Variants in LDHAL6A observed in about 807,000 individuals in gnomAD.
The protein encoded by LDHAL6A is lactate dehydrogenase A like 6A, also known as L-lactate dehydrogenase A-like 6A.
LDHAL6A carries 19 observed loss-of-function variants against 28.2 expected under a neutral mutation model. The observed-to-expected ratio is 0.67, with a 90% CI of 0.47 to 0.99. LDHAL6A has a LOEUF of 0.99. Ranked by LOEUF, LDHAL6A falls within the 50% of genes least tolerant of loss-of-function variation. The pLI is 0.00. For missense variants in LDHAL6A, 372 were observed against 398.6 expected, an observed-to-expected ratio of 0.93 and a Z score of 0.57; for synonymous variants, 144 against 134.4, an observed-to-expected ratio of 1.07 and a Z score of -0.49.
At chr11:18,466,736 A>G (rs1849084796) in intron 3 of LDHAL6A, among the ~76,000 whole-genome samples, 2 of 151,584 alleles carry the variant, frequency 1.3e-5, no homozygotes, top group Admixed American at 6.6e-5. Context: ...CTAAAGGCTG[A>G]GGTTTGTTTT....
intron 2 of LDHAL6A, 122 bp downstream of exon 2, chr11:18,464,200 T>C (rs1230847213): frequency 1.2e-5 from 8 of 658,546 alleles, no homozygotes; most frequent in Admixed American, 4.7e-5. Context: ...CTCCCTACTC[T>C]GTACTCTCAT....
At chr11:18,473,608 G>C in intron 3 of LDHAL6A, among the ~76,000 whole-genome samples, 1 of 152,110 alleles carries the variant, frequency 6.6e-6, no homozygotes, top group South Asian at 2.1e-4. Context: ...TGTTGCCCAG[G>C]CTGGTCTCAA....
rs750990170 is a variant in LDHAL6A, at chr11:18,472,270, G to A, written c.419-3196G>A. On this transcript the variant is annotated intron_variant, in intron 3 of 6. Transcript: ENST00000280706. ...TTCACTTGACAGCTTTATGTATGAG[G>A]AAACTTAAAGACATTTCTACCATAC... 2.0e-5 allele frequency among the ~76,000 whole-genome samples: 3 copies of A among 152,242 alleles called. No individual in the cohort carries two copies. The South Asian group carries it at 6.2e-4, about 32-fold the overall frequency.
chr11:18,462,504 G>A (rs1444966637), intron 1 of LDHAL6A, among the ~76,000 whole-genome samples: 2 of 151,982 alleles, frequency 1.3e-5, no homozygotes, highest in East Asian at 1.9e-4. Flanking sequence ...AGGTGTGGTG[G>A]CGGGCGCCTG....
rs1212053975 is a variant in LDHAL6A, at chr11:18,464,992, G to GTTTTTTTTTTT, written c.245-641_245-640insTTTTTTTTTTT. Among the ~76,000 whole-genome samples the GTTTTTTTTTTT allele has an allele frequency of 1.5e-3, 180 of 119,826 alleles. 3 individuals carry two copies. The highest frequency in any genetic ancestry group is 6.1e-3 in the African/African-American group (172 of 28,422). The allele number at this position is 119,826 out of a possible 152,430, so 78.6% of individuals were successfully genotyped here. A position where few individuals can be genotyped will look rare whatever the true frequency, so the allele number is the denominator to read the frequency against. ...TGTTTTTTTTGTTTTTTTTTGTTTT[G>GTTTTTTTTTTT]TTTTGTTTTGGTTTGTTTTTGAGAC... is the stretch of plus-strand genomic sequence containing the variant. On this transcript the variant is annotated intron_variant, in intron 2 of 6. Transcript: ENST00000280706.
intron 6 of LDHAL6A, 133 bp from the exon 7 acceptor site, chr11:18,478,570 GAAA>G: frequency 3.1e-6 from 2 of 650,624 alleles, no homozygotes; most frequent in Admixed American, 3.2e-5. Flanking sequence ...AAAAAAAAAA[GAAA>G]AAAGTTCTCT....
rs1565068644 is a variant in LDHAL6A, at chr11:18,464,968, G to GTTTTTTTTTTTTTTTTTTTTTTTT, written c.245-661_245-660insTTTTTTTTTTTTTTTTTTTTTTTT. Among the ~76,000 whole-genome samples the GTTTTTTTTTTTTTTTTTTTTTTTT allele has an allele frequency of 1.3e-3, 5 of 3,796 alleles. 1 individual carries two copies. Among genetic ancestry groups the GTTTTTTTTTTTTTTTTTTTTTTTT allele is most frequent in the African/African-American group, 1.8e-3 (4 of 2,196 alleles). The allele number at this position is 3,796 out of a possible 152,430, so 2.5% of individuals were successfully genotyped here. On this transcript the variant is annotated intron_variant, in intron 2 of 6. Coordinates refer to ENST00000280706, the MANE Select transcript of LDHAL6A (RefSeq NM_144972.5). ...CAAAAGGTATTTTAGGAGGTGAGGTGTTTTTTTTGTTTTTTTTTGTTTTGT... is the reference window on the plus strand; with the variant it reads ...CAAAAGGTATTTTAGGAGGTGAGGTGTTTTTTTTTTTTTTTTTTTTTTTTTTTTTTTTGTTTTTTTTTGTTTTGT...
intron 5 of LDHAL6A, among the ~76,000 whole-genome samples, chr11:18,477,362 G>C (rs772131011): frequency 4.6e-5 from 7 of 152,086 alleles, no homozygotes; most frequent in Non-Finnish European, 8.8e-5. Context: ...AGGAGGCTGA[G>C]GAGGGAAGAT....
At position 18,464,051 on chromosome 11, in the gene LDHAL6A, A is replaced by G. The variant is rs760232805; in HGVS notation, c.217A>G (p.Lys73Glu). 1.2e-6 allele frequency: 2 copies of G among 1,612,648 alleles called. No homozygotes were observed. Among genetic ancestry groups the G allele is most frequent in the South Asian group, 2.2e-5 (2 of 91,036 alleles). Reference sequence around the variant, plus strand: ...TCTTCAACATGGCAGCCCTTTTATGAAAATGCCAAATATTGTCTCCAGCAA... The same window carrying G: ...TCTTCAACATGGCAGCCCTTTTATGGAAATGCCAAATATTGTCTCCAGCAA... ...MDLQHGSPFMKMPNIVSSKDY... is the reference protein window; with the variant it reads ...MDLQHGSPFMEMPNIVSSKDY... Residue 73 changes from lysine to glutamate, a missense_variant, in exon 2 of 7, where the codon AAA becomes GAA. Around this residue, in one of 3 missense-constraint regions of LDHAL6A, gnomAD observed 4 missense variants for 17.8 expected, o/e 0.23. Coordinates refer to ENST00000280706, the MANE Select transcript of LDHAL6A (RefSeq NM_144972.5).
At chr11:18,471,106 A>AG (rs1849247318) in intron 3 of LDHAL6A, among the ~76,000 whole-genome samples, 1 of 152,216 alleles carries the variant, frequency 6.6e-6, no homozygotes, top group African/African-American at 2.4e-5. Flanking sequence ...AATTAAAACA[A>AG]GCAATTAGTA....
chr11:18,464,461 T>TC (rs1278697495), intron 2 of LDHAL6A, among the ~76,000 whole-genome samples: 1 of 152,158 alleles, frequency 6.6e-6, no homozygotes, highest in African/African-American at 2.4e-5. Context: ...ATGCCTGTAA[T>TC]CCCAGAACTT....
chr11:18,476,566 TGAG>T (rs1849389642), intron 5 of LDHAL6A, 65 bp downstream of exon 5: 1 of 1,565,414 alleles, frequency 6.4e-7, no homozygotes, highest in African/African-American at 1.4e-5. Flanking sequence ...GTTAGAAGGT[TGAG>T]ATTAGTCCCT....
chr11:18,478,802 G>T lies in LDHAL6A; in HGVS notation c.931G>T (p.Glu311Ter), dbSNP rs902310058. 1 of 1,613,800 alleles carries T rather than the reference G, an allele frequency of 6.2e-7. No individual in the cohort carries two copies. Among genetic ancestry groups the T allele is most frequent in the African/African-American group, 1.3e-5 (1 of 74,912 alleles). The change falls in exon 7 of 7, where the codon GAA becomes TAA. Residue 311 changes from glutamate (E) to a stop codon, truncating the protein, a stop_gained. Transcript: ENST00000280706. LOFTEE classifies it high-confidence loss of function. Reference protein sequence around the residue: ...TDLIKVKLTLEEEACLQKSAE... With the variant: ...TDLIKVKLTL ...CCTCATAAAAGTAAAACTGACTCTT[G>T]AAGAGGAGGCCTGCTTGCAAAAGAG...
At chr11:18,472,482 A>T (rs1198740832) in intron 3 of LDHAL6A, among the ~76,000 whole-genome samples, 2 of 152,232 alleles carry the variant, frequency 1.3e-5, no homozygotes, top group Non-Finnish European at 2.9e-5. Context: ...TGTCATCTTC[A>T]TATCTTTTTA....
In LDHAL6A at chr11:18,477,653, T is replaced by C. The variant is rs766269946; in HGVS notation, c.744T>C (p.Thr248=). 1.9e-6 allele frequency: 3 copies of C among 1,612,710 alleles called. No homozygotes were observed. The African/African-American group carries it at 4.0e-5, about 22-fold the overall frequency. The part of the protein sequence containing the change: ...GYEMVKMKGY[T]SWGISLSVAD... ...AGATGGTCAAAATGAAAGGTTATAC[T>C]TCTTGGGGCATTAGCCTATCTGTAG... Residue 248 remains threonine, a synonymous_variant, in exon 6 of 7, where the codon ACT becomes ACC. Transcript: ENST00000280706.
Position 18,456,684 on chromosome 11 carries a change from G to A in LDHAL6A, c.4G>A (p.Ala2Thr), listed in dbSNP as rs867578349. The A allele has an allele frequency of 1.2e-6, 2 of 1,613,516 alleles. No individual in the cohort carries two copies. Among genetic ancestry groups the A allele is most frequent in the African/African-American group, 2.7e-5 (2 of 74,908 alleles). The change falls in exon 1 of 7, where the codon GCA becomes ACA. Residue 2 changes from alanine (A) to threonine (T), a missense_variant. Ala to Thr is a moderately conservative substitution (Grantham distance 58, BLOSUM62 0). Coordinates refer to ENST00000280706, the MANE Select transcript of LDHAL6A (RefSeq NM_144972.5). MATIKSELIKNF... is the reference protein window; with the variant it reads MTTIKSELIKNF... Reference sequence around the variant, plus strand: ...TCTTCACTGTTAGGTTTCCAAGATGGCAACTATCAAGAGTGAACTTATTAA... The same window carrying A: ...TCTTCACTGTTAGGTTTCCAAGATGACAACTATCAAGAGTGAACTTATTAA...
At chr11:18,462,487 A>AC (rs1209686822) in intron 1 of LDHAL6A, among the ~76,000 whole-genome samples, 2 of 151,770 alleles carry the variant, frequency 1.3e-5, no homozygotes, top group East Asian at 3.9e-4. Context: ...AATACAAAAA[A>AC]TTAGCCAGGT....
chr11:18,473,688 CGTGTCTGGCCTTGGT>C (rs1849301684), intron 3 of LDHAL6A, among the ~76,000 whole-genome samples: 1 of 152,062 alleles, frequency 6.6e-6, no homozygotes, highest in Admixed American at 6.6e-5. Flanking sequence ...TGTGAGCCAC[CGTGTCTGGCCTTGGT>C]TTATTCTTGG....
At position 18,475,473 on chromosome 11, in the gene LDHAL6A, C is replaced by T; in HGVS notation, c.426C>T (p.Ile142=). Residue 142 remains isoleucine, a synonymous_variant, in exon 4 of 7, where the codon ATC becomes ATT. Transcript: ENST00000280706. The part of the protein sequence containing the change: ...KLLIVTNPVD[I]LTYVAWKLSG... The stretch of plus-strand genomic sequence containing the variant: ...TGAACTTTTTCTTCTTAGTGGATAT[C>T]TTAACTTATGTAGCCTGGAAGTTGA... The T allele has an allele frequency of 6.2e-7, 1 of 1,612,284 alleles. No individual in the cohort carries two copies. Among genetic ancestry groups the T allele is most frequent in the South Asian group, 1.1e-5 (1 of 90,850 alleles).
Sources: allele counts gnomAD v4.1 joint callset (sites outside exome capture counted in the v4.1 genomes callset), GRCh38; gene constraint gnomAD v4.1.1; regional missense constraint gnomAD v4.1.1; transcripts MANE v1.5; gene names NCBI Gene and HGNC (gene_info 2026-07-23, HGNC 2026-07-21).